Variants in APBA1 observed in about 807,000 individuals in gnomAD.
The protein encoded by APBA1 is amyloid beta precursor protein binding family A member 1, also known as amyloid-beta A4 precursor protein-binding family A member 1.
In APBA1, 55 loss-of-function variants were observed where a neutral mutation model predicts 86.6. The observed-to-expected ratio is 0.64, with a 90% confidence interval of 0.51 to 0.80. APBA1 has a LOEUF of 0.80. APBA1 is among the 30% of genes least tolerant of loss of function. The pLI is 0.00. For missense variants in APBA1, 1,090 were observed against 1,183.0 expected (o/e 0.92, Z 1.15); for synonymous variants, 511 against 493.9 (o/e 1.03, Z -0.46).
At chr9:69,579,985 A>C (rs1270323466) in intron 1 of APBA1, among the ~76,000 whole-genome samples, 2 of 152,070 alleles carry the variant, frequency 1.3e-5, no homozygotes, top group African/African-American at 4.8e-5. Flanking sequence ...ATATTTTCCT[A>C]CTTCCTTAAA....
chr9:69,573,289 C>T (rs1179761578), intron 1 of APBA1, among the ~76,000 whole-genome samples: 1 of 151,286 alleles, frequency 6.6e-6, no homozygotes, highest in East Asian at 2.0e-4. Context: ...TGAGACCAGC[C>T]TGGGCAACAA....
Position 69,662,599 on chromosome 9 carries a change from T to C in APBA1, c.-70+9554A>G, listed in dbSNP as rs1441789308. Among the ~76,000 whole-genome samples the C allele has an allele frequency of 2.6e-5, 4 of 152,348 alleles. No homozygotes were observed. In the East Asian group the frequency reaches 7.7e-4, roughly 29 times the overall value. On this transcript the variant is annotated intron_variant, in intron 1 of 12. Transcript: ENST00000265381. ...CTAGCTCAGGGAAAAATGATTCTTA[T>C]ATTTTCAAGTTATTTGGAAGGGAAG...
At chr9:69,585,566 G>A (rs1168645152) in intron 1 of APBA1, among the ~76,000 whole-genome samples, 2 of 152,174 alleles carry the variant, frequency 1.3e-5, no homozygotes, top group Admixed American at 6.5e-5. Context: ...TCTGACTCCA[G>A]CTGTAGGCTC....
intron 1 of APBA1, among the ~76,000 whole-genome samples, chr9:69,533,523 G>A (rs373976750): frequency 9.9e-5 from 15 of 152,250 alleles, no homozygotes; most frequent in African/African-American, 3.1e-4. Flanking sequence ...AAACCTTTCT[G>A]TTCAGCTGCT....
rs1024121900 is a variant in APBA1 at position 69,491,362 on chromosome 9, A to G, written c.1201-15219T>C. On this transcript the variant is annotated intron_variant, in intron 2 of 12. Coordinates refer to ENST00000265381, the MANE Select transcript of APBA1 (RefSeq NM_001163.4). Reference sequence around the variant, plus strand: ...CAGCAAACTATGGCAAGGACAAAAAACCAAACACCGCATGTTCTCACTCAT... The same window carrying G: ...CAGCAAACTATGGCAAGGACAAAAAGCCAAACACCGCATGTTCTCACTCAT... Among the ~76,000 whole-genome samples, 13 of 152,132 alleles carry G rather than the reference A, an allele frequency of 8.5e-5. No individual in the cohort carries two copies. The East Asian group carries it at 2.3e-3, about 27-fold the overall frequency.
At chr9:69,570,645 C>A (rs1469694736) in intron 1 of APBA1, among the ~76,000 whole-genome samples, 2 of 152,140 alleles carry the variant, frequency 1.3e-5, no homozygotes, top group African/African-American at 4.8e-5. Context: ...TTTCAAGGAA[C>A]TTTTGGAGAC....
At chr9:69,566,537 G>T (rs188220570) in intron 1 of APBA1, among the ~76,000 whole-genome samples, 1 of 152,274 alleles carries the variant, frequency 6.6e-6, no homozygotes, top group African/African-American at 2.4e-5. Flanking sequence ...ATATAAATCT[G>T]ATCATGTCAC....
At chr9:69,468,097 G>A (rs1218412242) in intron 4 of APBA1, 129 bp from the exon 5 acceptor site, 1 of 1,072,818 alleles carries the variant, frequency 9.3e-7, no homozygotes, top group South Asian at 1.5e-5. Flanking sequence ...CTGCTGGTCT[G>A]AGGCATCTCT....
chr9:69,659,446 A>T (rs1823707845), intron 1 of APBA1, among the ~76,000 whole-genome samples: 1 of 152,196 alleles, frequency 6.6e-6, no homozygotes, highest in Non-Finnish European at 1.5e-5. Flanking sequence ...ATTCCACATG[A>T]GAAGCTGCAG....
rs896962487 is a variant in APBA1 at position 69,511,901 on chromosome 9, T to C, written c.1200+4110A>G. On this transcript the variant is annotated intron_variant, in intron 2 of 12. Coordinates refer to ENST00000265381, the MANE Select transcript of APBA1 (RefSeq NM_001163.4). The stretch of plus-strand genomic sequence containing the variant: ...GATCACATGGACACAGGAAGGGGAA[T>C]ATCACACTCTGGGGACTGTGGTGGG... 1.3e-4 allele frequency among the ~76,000 whole-genome samples: 19 copies of C among 148,392 alleles called. No homozygotes were observed. In the East Asian group the frequency reaches 1.6e-3, roughly 13 times the overall value.
chr9:69,512,297 T>C (rs551339978), intron 2 of APBA1, among the ~76,000 whole-genome samples: 3 of 152,286 alleles, frequency 2.0e-5, no homozygotes, highest in South Asian at 4.1e-4. Context: ...TAAACTCTTA[T>C]GGATTAGCAA....
At chr9:69,471,410 G>A (rs1340074407) in intron 4 of APBA1, among the ~76,000 whole-genome samples, 3 of 152,190 alleles carry the variant, frequency 2.0e-5, no homozygotes, top group South Asian at 4.1e-4. Context: ...ACTGGGTAAA[G>A]CCCACAGCTT....
At chr9:69,452,444 G>A (rs960482376) in intron 8 of APBA1, 143 bp from the exon 9 acceptor site, 30 of 753,552 alleles carry the variant, frequency 4.0e-5, no homozygotes, top group African/African-American at 1.4e-4. Context: ...GTGGTTCTAC[G>A]TGGGGCTACC....
intron 8 of APBA1, among the ~76,000 whole-genome samples, chr9:69,453,221 C>T (rs903430240): frequency 6.6e-6 from 1 of 152,092 alleles, no homozygotes; most frequent in African/African-American, 2.4e-5. Context: ...GTTATATTAG[C>T]TATGAATTTC....
At chr9:69,456,533 G>C in intron 7 of APBA1, 101 bp from the exon 8 acceptor site, 1 of 1,290,934 alleles carries the variant, frequency 7.7e-7, no homozygotes, top group Non-Finnish European at 1.1e-6. Context: ...TCGCATGCAG[G>C]GTGGGCTCCA....
intron 1 of APBA1, among the ~76,000 whole-genome samples, chr9:69,561,995 C>G (rs1836953530): frequency 1.3e-5 from 2 of 152,052 alleles, no homozygotes; most frequent in Non-Finnish European, 2.9e-5. Context: ...TGATTGCTAG[C>G]AGTTTTTTTT....
chr9:69,575,024 C>A (rs1362241244), intron 1 of APBA1, among the ~76,000 whole-genome samples: 1 of 152,110 alleles, frequency 6.6e-6, no homozygotes, highest in Non-Finnish European at 1.5e-5. Flanking sequence ...TCAAGTGATC[C>A]TCCCACCTCA....
chr9:69,453,946 G>A (rs1428136946), intron 8 of APBA1, among the ~76,000 whole-genome samples: 1 of 152,186 alleles, frequency 6.6e-6, no homozygotes, highest in African/African-American at 2.4e-5. Context: ...GAGGTTGAGG[G>A]GTTAAACTGC....
intron 3 of APBA1, among the ~76,000 whole-genome samples, 186 bp downstream of exon 3, chr9:69,475,862 G>A (rs965395539): frequency 6.6e-6 from 1 of 152,222 alleles, no homozygotes; most frequent in Non-Finnish European, 1.5e-5. Flanking sequence ...CCTGCAGCCA[G>A]TGGCTATCAA....
Sources: allele counts gnomAD v4.1 joint callset (sites outside exome capture counted in the v4.1 genomes callset), GRCh38; gene constraint gnomAD v4.1.1; transcripts MANE v1.5; gene names NCBI Gene and HGNC (gene_info 2026-07-23, HGNC 2026-07-21).